The following AQP11 variants were observed in gnomAD, a reference collection of about 807,000 sequenced individuals.
The protein encoded by AQP11 is aquaporin 11.
In AQP11, 20 loss-of-function variants were observed where a neutral mutation model predicts 21.1. That is an observed-to-expected ratio of 0.95 (90% CI 0.67 to 1.38). AQP11 has a LOEUF of 1.38. Ranked by LOEUF, AQP11 falls within the 40% of genes most tolerant of loss-of-function variation. The probability of loss-of-function intolerance (pLI) is 0.00; values close to 1 mark genes in which losing one functional copy is unlikely to be tolerated. For synonymous variants in AQP11, 167 were observed against 150.1 expected (o/e 1.11, Z -0.82); for missense variants, 339 against 340.4 (o/e 1.00, Z 0.03).
At position 77,610,179 on chromosome 11, in the gene AQP11, A is replaced by T. The variant is rs1225870348; in HGVS notation, c.*802A>T. The T allele has an allele frequency of 6.6e-6, 1 of 152,236 alleles. No homozygotes were observed. The highest frequency in any genetic ancestry group is 1.5e-5 in the Non-Finnish European group (1 of 68,046). 9.4% of individuals were successfully genotyped at this position (152,236 alleles called of 1,614,324 possible). A position where few individuals can be genotyped will look rare whatever the true frequency, so the allele number is the denominator to read the frequency against. The stretch of plus-strand genomic sequence containing the variant: ...GGTTTGCTGCCCTGGCTTAGATCAC[A>T]TAGAGCCAAATACCATCTCTAGTCT... On this transcript the variant is annotated 3_prime_UTR_variant, in exon 3 of 3. Transcript: ENST00000313578.
chr11:77,592,255 CCTGT>C (rs1262104372), intron 1 of AQP11, among the ~76,000 whole-genome samples: 3 of 151,378 alleles, frequency 2.0e-5, no homozygotes, highest in Non-Finnish European at 2.9e-5. Flanking sequence ...TTATAGAGAC[CCTGT>C]CTGTCTCAAA....
At chr11:77,592,207 T>C (rs1958753001) in intron 1 of AQP11, among the ~76,000 whole-genome samples, 1 of 151,620 alleles carries the variant, frequency 6.6e-6, no homozygotes. Flanking sequence ...GTTGAGATTG[T>C]GGTGAGCTGT....
intron 1 of AQP11, among the ~76,000 whole-genome samples, chr11:77,597,026 T>C (rs549364759): frequency 6.6e-6 from 1 of 152,162 alleles, no homozygotes; most frequent in South Asian, 2.1e-4. Context: ...TAATTATTAT[T>C]TATTATTATT....
At chr11:77,604,320 T>C (rs1010394808) in intron 2 of AQP11, among the ~76,000 whole-genome samples, 2 of 152,248 alleles carry the variant, frequency 1.3e-5, no homozygotes, top group African/African-American at 2.4e-5. Flanking sequence ...CTCGCTATGT[T>C]GCTCAGGCTA....
intron 1 of AQP11, among the ~76,000 whole-genome samples, chr11:77,596,537 A>ATATATAT (rs1958782852): frequency 1.2e-5 from 1 of 86,574 alleles, no homozygotes; most frequent in East Asian, 2.9e-4. Context: ...TATATATGTA[A>ATATATAT]ATATATATAT....
At chr11:77,596,980 A>G (rs1376217567) in intron 1 of AQP11, among the ~76,000 whole-genome samples, 1 of 152,154 alleles carries the variant, frequency 6.6e-6, no homozygotes, top group African/African-American at 2.4e-5. Context: ...TCAAGTTTGT[A>G]GCATAGTACC....
At chr11:77,593,335 A>G (rs1958759502) in intron 1 of AQP11, among the ~76,000 whole-genome samples, 1 of 152,226 alleles carries the variant, frequency 6.6e-6, no homozygotes, top group Non-Finnish European at 1.5e-5. Flanking sequence ...ATCTTAATTA[A>G]TTCTTACAAC....
chr11:77,590,505 C>G lies in AQP11; in HGVS notation c.513C>G (p.Ala171=), dbSNP rs763392772. The part of the protein sequence containing the change: ...VDLLKAVITE[A]VCSFLFHSAL... Reference sequence around the variant, plus strand: ...TGCTCAAAGCGGTCATCACAGAGGCCGTCTGCTCCTTTCTCTTCCACAGCG... The same window carrying G: ...TGCTCAAAGCGGTCATCACAGAGGCGGTCTGCTCCTTTCTCTTCCACAGCG... The change falls in exon 1 of 3, where the codon GCC becomes GCG. Residue 171 remains alanine, a synonymous_variant. Coordinates refer to ENST00000313578, the MANE Select transcript of AQP11 (RefSeq NM_173039.3). 36 of 1,614,140 alleles carry G rather than the reference C, an allele frequency of 2.2e-5. No individual in the cohort carries two copies. The highest frequency in any genetic ancestry group is 2.8e-5 in the Non-Finnish European group (33 of 1,180,036).
intron 1 of AQP11, among the ~76,000 whole-genome samples, chr11:77,597,586 T>C (rs2135746578): frequency 6.6e-6 from 1 of 151,990 alleles, no homozygotes; most frequent in East Asian, 1.9e-4. Context: ...AGAAAACAGC[T>C]AGCTAGCTAG....
rs570330271 is a variant in AQP11 at position 77,602,770 on chromosome 11, C to T, written c.620-786C>T. Among the ~76,000 whole-genome samples, 11 of 152,284 alleles carry T rather than the reference C, an allele frequency of 7.2e-5. No homozygotes were observed. The East Asian group carries it at 2.1e-3, about 29-fold the overall frequency. On this transcript the variant is annotated intron_variant, in intron 1 of 2. Transcript: ENST00000313578. ...AAGATCTCAGGATCTATCTCTGTGG[C>T]TAAGTAAAAGAGGCAGAGTTGTGTG...
intron 1 of AQP11, among the ~76,000 whole-genome samples, chr11:77,592,713 A>G (rs1565116375): frequency 6.6e-6 from 1 of 152,264 alleles, no homozygotes; most frequent in Non-Finnish European, 1.5e-5. Context: ...GATATAAGGA[A>G]AGTTATTAGA....
rs192024210 is a variant in AQP11 at position 77,606,109 on chromosome 11, A to C, written c.736+2437A>C. On this transcript the variant is annotated intron_variant, in intron 2 of 2. Coordinates refer to ENST00000313578, the MANE Select transcript of AQP11 (RefSeq NM_173039.3). ...AGTCCCAGCTACTTGGGAGGCTGAG[A>C]TAGAACTGCTTGAGGCCAGGAGTTC... is the stretch of plus-strand genomic sequence containing the variant. Among the ~76,000 whole-genome samples the C allele has an allele frequency of 5.5e-3, 831 of 151,498 alleles. 12 individuals are homozygous for C. The highest frequency in any genetic ancestry group is 0.019 in the African/African-American group (783 of 41,344).
At chr11:77,598,911 C>T (rs939725826) in intron 1 of AQP11, among the ~76,000 whole-genome samples, 3 of 151,624 alleles carry the variant, frequency 2.0e-5, no homozygotes, top group Admixed American at 1.3e-4. Flanking sequence ...GATGGAGTTT[C>T]ACTCTTGTTG....
rs1015394356 is a variant in AQP11, at chr11:77,604,876, G to A, written c.736+1204G>A. Among the ~76,000 whole-genome samples, 6 of 152,142 alleles carry A rather than the reference G, an allele frequency of 3.9e-5. No homozygotes were observed. The East Asian group carries it at 9.6e-4, about 24-fold the overall frequency. On this transcript the variant is annotated intron_variant, in intron 2 of 2. Transcript: ENST00000313578. Reference sequence around the variant, plus strand: ...GTTCTACAGAGTGCTAGTATTTTCCGATAACTTCTTTAAAGAAAAATTTTC... The same window carrying A: ...GTTCTACAGAGTGCTAGTATTTTCCAATAACTTCTTTAAAGAAAAATTTTC...
At chr11:77,591,531 C>A (rs994964162) in intron 1 of AQP11, among the ~76,000 whole-genome samples, 1 of 152,186 alleles carries the variant, frequency 6.6e-6, no homozygotes, top group Non-Finnish European at 1.5e-5. Flanking sequence ...AAGCAAACTT[C>A]AAGATAAGGA....
At chr11:77,591,388 A>G (rs1958746782) in intron 1 of AQP11, 1 of 832,460 alleles carries the variant, frequency 1.2e-6, no homozygotes, top group Non-Finnish European at 1.4e-6. Context: ...GAAATGTGTC[A>G]TTTTAAATGA....
intron 1 of AQP11, among the ~76,000 whole-genome samples, chr11:77,597,789 TG>T: frequency 6.6e-6 from 1 of 152,160 alleles, no homozygotes; most frequent in Non-Finnish European, 1.5e-5. Context: ...CGTCTCGCTC[TG>T]TCACCCAGGC....
chr11:77,596,506 A>G (rs114108168), intron 1 of AQP11, among the ~76,000 whole-genome samples: 1,744 of 125,258 alleles, frequency 0.014, 62 homozygotes, highest in African/African-American at 0.048. Flanking sequence ...GTAAATATAT[A>G]TGTGTAAATA....
chr11:77,606,152 C>T (rs1958845172), intron 2 of AQP11, among the ~76,000 whole-genome samples: 1 of 149,204 alleles, frequency 6.7e-6, no homozygotes, highest in African/African-American at 2.5e-5. Flanking sequence ...CCTTGGGCAA[C>T]ATAGCAAAAC....
Sources: allele counts gnomAD v4.1 joint callset (sites outside exome capture counted in the v4.1 genomes callset), GRCh38; gene constraint gnomAD v4.1.1; transcripts MANE v1.5; gene names NCBI Gene and HGNC (gene_info 2026-07-23, HGNC 2026-07-21).